The following ADCY3 variants were observed in gnomAD, a reference collection of about 807,000 sequenced individuals.
ADCY3 encodes the protein adenylate cyclase 3.
In ADCY3, 70 loss-of-function variants were observed where a neutral mutation model predicts 119.4. The ratio of observed to expected loss-of-function variants is 0.59; its 90% CI spans 0.48 to 0.72. The LOEUF (loss-of-function observed/expected upper bound fraction) is 0.72, where lower values mean the gene tolerates loss of function less well. ADCY3 is among the 30% of genes least tolerant of loss of function. ADCY3 has a pLI of 0.00. For missense variants in ADCY3, 1,238 were observed against 1,541.6 expected (o/e 0.80, Z 3.30); for synonymous variants, 672 against 621.4 (o/e 1.08, Z -1.21).
intron 2 of ADCY3, among the ~76,000 whole-genome samples, chr2:24,879,384 C>T (rs974627296): frequency 8.8e-5 from 12 of 137,088 alleles, no homozygotes; most frequent in South Asian, 2.5e-4. Flanking sequence ...ACCCGGGAGG[C>T]GGAGCTTGCA....
At chr2:24,822,374 A>G (rs1308219065) in intron 19 of ADCY3, 137 bp downstream of exon 19, 3 of 1,232,638 alleles carry the variant, frequency 2.4e-6, no homozygotes, top group Non-Finnish European at 2.3e-6. Flanking sequence ...TTTCTTATTT[A>G]TATTTACGTG....
intron 2 of ADCY3, among the ~76,000 whole-genome samples, chr2:24,904,475 C>T (rs776528832): frequency 2.2e-4 from 34 of 151,732 alleles, no homozygotes; most frequent in Non-Finnish European, 3.5e-4. Context: ...GAGCCGAGAT[C>T]GTGCCCCTGC....
In ADCY3 at chr2:24,919,438, T is replaced by C. The variant is rs1664853322; in HGVS notation, c.-198+245A>G. 1 of 165,864 alleles carries C rather than the reference T, an allele frequency of 6.0e-6. No individual in the cohort carries two copies. Among genetic ancestry groups the C allele is most frequent in the Non-Finnish European group, 1.3e-5 (1 of 76,598 alleles). The allele number at this position is 165,864 out of a possible 1,614,324, so 10.3% of individuals were successfully genotyped here. A position where few individuals can be genotyped will look rare whatever the true frequency, so the allele number is the denominator to read the frequency against. ...CCATCCCTGGTAACCGGTTTCTCTC[T>C]GTCATCTCTTCTTTCTCAGTCCCCG... On this transcript the variant is annotated intron_variant, in intron 1 of 21. Coordinates refer to ENST00000679454, the MANE Select transcript of ADCY3 (RefSeq NM_004036.5). The surrounding 1 kb of genome is among the most constrained non-coding windows in gnomAD (Gnocchi z 5.5).
chr2:24,841,655 G>A lies in ADCY3; in HGVS notation c.969C>T (p.Ala323=), dbSNP rs949471026. ...ACAGCTGGGTAAAGCCCACGATGTC[G>A]GCAAAGAGGATGCTGCATGAGGAAG... ...YRHENVSILF[A]DIVGFTQLSS... The change falls in exon 5 of 22, where the codon GCC becomes GCT. Residue 323 remains alanine (A), a synonymous_variant. Transcript: ENST00000679454. This position sits in a 1 kb window ranked among gnomAD's most constrained non-coding sequence, Gnocchi z 5.8. 1.2e-5 allele frequency: 20 copies of A among 1,613,476 alleles called. No individual in the cohort carries two copies. The highest frequency in any genetic ancestry group is 9.3e-5 in the African/African-American group (7 of 75,038).
At chr2:24,845,600 G>A (rs1671565041) in intron 3 of ADCY3, among the ~76,000 whole-genome samples, 1 of 152,206 alleles carries the variant, frequency 6.6e-6, no homozygotes, top group Non-Finnish European at 1.5e-5. Flanking sequence ...TTTTAAAAAG[G>A]AAACAGCATA....
At chr2:24,838,700 G>T in intron 7 of ADCY3, 78 bp from the exon 8 acceptor site, 1 of 1,592,620 alleles carries the variant, frequency 6.3e-7, no homozygotes, top group Non-Finnish European at 8.6e-7. Context: ...CACGGACCAC[G>T]GCTGCACCGG....
intron 2 of ADCY3, among the ~76,000 whole-genome samples, chr2:24,907,334 A>C (rs2149030323): frequency 6.6e-6 from 1 of 152,232 alleles, no homozygotes; most frequent in East Asian, 1.9e-4. Flanking sequence ...GTGAACAACA[A>C]ACCCCAGACA....
Position 24,830,824 on chromosome 2 carries a change from G to A in ADCY3, c.2057C>T (p.Ala686Val), listed in dbSNP as rs1034543355. 4 of 1,612,438 alleles carry A rather than the reference G, an allele frequency of 2.5e-6. No homozygotes were observed. The African/African-American group carries it at 5.3e-5, about 22-fold the overall frequency. The change falls in exon 13 of 22, where the codon GCC becomes GTC. Residue 686 changes from alanine (A) to valine (V), a missense_variant and splice_region_variant. By Grantham distance (64) the Ala-to-Val change is moderately conservative. Transcript: ENST00000679454. ...GAAGGCCACAAGCTTCTTAGGAAAGGCCTAGAAGGAACAGAATTTCAAGGG... is the reference window on the plus strand; with the variant it reads ...GAAGGCCACAAGCTTCTTAGGAAAGACCTAGAAGGAACAGAATTTCAAGGG... Reference protein sequence around the residue: ...ICSLAAIFPRAFPKKLVAFST... With the variant: ...ICSLAAIFPRVFPKKLVAFST...
At chr2:24,836,736 C>T (rs1008760753) in intron 9 of ADCY3, among the ~76,000 whole-genome samples, 181 bp downstream of exon 9, 3 of 152,164 alleles carry the variant, frequency 2.0e-5, no homozygotes, top group African/African-American at 7.2e-5. Flanking sequence ...GATGAGGAGA[C>T]AGTGGGGTTT....
At chr2:24,909,957 G>A (rs1663374340) in intron 2 of ADCY3, among the ~76,000 whole-genome samples, 1 of 152,220 alleles carries the variant, frequency 6.6e-6, no homozygotes, top group African/African-American at 2.4e-5. Flanking sequence ...CCTTCTCTCT[G>A]AGACCACCAT....
At chr2:24,846,805 C>T (rs1292553681) in intron 3 of ADCY3, among the ~76,000 whole-genome samples, 1 of 152,194 alleles carries the variant, frequency 6.6e-6, no homozygotes, top group African/African-American at 2.4e-5. Flanking sequence ...TCTTGAACTC[C>T]TGACCTCAGG....
At position 24,838,498 on chromosome 2, in the gene ADCY3, C is replaced by T; in HGVS notation, c.1480G>A (p.Ala494Thr). ...EKGIETYLII[A>T]SKPEVKKTAT... The stretch of plus-strand genomic sequence containing the variant: ...GTTTTCTTCACCTCTGGCTTGGAGG[C>T]AATGATGAGGTAGGTTTCAATACCC... Residue 494 changes from alanine (A) to threonine (T), a missense_variant, in exon 8 of 22, where the codon GCC becomes ACC. By Grantham distance (58) the Ala-to-Thr change is moderately conservative (BLOSUM62 0). Transcript: ENST00000679454. The T allele has an allele frequency of 6.2e-7, 1 of 1,614,072 alleles. No homozygotes were observed. Among genetic ancestry groups the T allele is most frequent in the Non-Finnish European group, 8.5e-7 (1 of 1,180,034 alleles).
intron 2 of ADCY3, among the ~76,000 whole-genome samples, chr2:24,915,384 T>G (rs1037263576): frequency 6.6e-6 from 1 of 152,108 alleles, no homozygotes; most frequent in Admixed American, 6.5e-5. Context: ...TTGCATCCTG[T>G]CCTCCAGCCC....
intron 2 of ADCY3, among the ~76,000 whole-genome samples, chr2:24,910,694 C>T (rs1181067978): frequency 6.7e-6 from 1 of 148,938 alleles, no homozygotes. Context: ...CAGAGTCTCC[C>T]TCTGTCACCA....
rs149255712 is a variant in ADCY3 at position 24,881,797 on chromosome 2, G to A, written c.676-9078C>T. On this transcript the variant is annotated intron_variant, in intron 2 of 21. Coordinates refer to ENST00000679454, the MANE Select transcript of ADCY3 (RefSeq NM_004036.5). ...AACCACAGGTGATCAGCCCACCACC[G>A]AGGCCATTCCACAGTGTGTCTGGAG... 2.8e-3 allele frequency among the ~76,000 whole-genome samples: 362 copies of A among 128,216 alleles called. 1 individual carries two copies. The East Asian group carries it at 0.04, about 14-fold the overall frequency. The allele number at this position is 128,216 out of a possible 152,430, so 84.1% of individuals were successfully genotyped here. A position where few individuals can be genotyped will look rare whatever the true frequency, so the allele number is the denominator to read the frequency against.
At chr2:24,838,378 CT>C in intron 8 of ADCY3, 66 bp downstream of exon 8, 1 of 1,461,666 alleles carries the variant, frequency 6.8e-7, no homozygotes, top group Non-Finnish European at 9.2e-7. Flanking sequence ...CCTTAATCTC[CT>C]CCTTTCCAAC....
chr2:24,821,845 T>C (rs1667770696), intron 19 of ADCY3: 1 of 659,378 alleles, frequency 1.5e-6, no homozygotes, highest in Non-Finnish European at 2.5e-6. Context: ...AGGCAAAGAC[T>C]GGGCAATTGA....
At chr2:24,820,887 A>G (rs1280975303) in intron 20 of ADCY3, 39 bp from the exon 21 acceptor site, 1 of 1,607,846 alleles carries the variant, frequency 6.2e-7, no homozygotes, top group East Asian at 2.2e-5. Context: ...GCCACAGGCC[A>G]CACCTTGTTA....
intron 3 of ADCY3, among the ~76,000 whole-genome samples, chr2:24,845,455 T>C (rs1671552493): frequency 6.6e-6 from 1 of 152,234 alleles, no homozygotes; most frequent in South Asian, 2.1e-4. Context: ...AGCAAAGAGA[T>C]TGGTGGCATT....
Sources: gnomAD v4.1 joint callset for allele counts (sites outside exome capture counted in the v4.1 genomes callset) on GRCh38, gnomAD v4.1.1 for gene constraint, Gnocchi (gnomAD v3.1) non-coding constraint, MANE v1.5 for transcripts, NCBI Gene and HGNC (gene_info 2026-07-23, HGNC 2026-07-21) for gene names.